Variants in HEYL observed in about 807,000 individuals in gnomAD.
HEYL encodes the protein hes related family bHLH transcription factor with YRPW motif like.
In HEYL, 12 loss-of-function variants were observed where a neutral mutation model predicts 18.6. The observed-to-expected ratio is 0.65, with a 90% CI of 0.41 to 1.05. HEYL has a LOEUF of 1.05. HEYL is among the 50% of genes least tolerant of loss of function. The pLI, the probability that HEYL is intolerant of heterozygous loss-of-function variation, is 0.00. For synonymous variants in HEYL, 159 were observed against 179.6 expected (o/e 0.89, Z 0.91); for missense variants, 420 against 444.7 (o/e 0.94, Z 0.50).
chr1:39,633,008 T>C (rs1371547064), intron 1 of HEYL: 9 of 973,170 alleles, frequency 9.2e-6, no homozygotes, highest in African/African-American at 1.8e-5. Flanking sequence ...CTCCGGCTCC[T>C]GCAACCCGAT....
At chr1:39,638,038 G>C (rs866393832) in intron 1 of HEYL, among the ~76,000 whole-genome samples, 3 of 152,206 alleles carry the variant, frequency 2.0e-5, no homozygotes, top group Non-Finnish European at 4.4e-5. Context: ...CCACCACCAC[G>C]TGGTGCTGTG....
chr1:39,628,581 T>G (rs530561301), intron 4 of HEYL, among the ~76,000 whole-genome samples: 3 of 144,164 alleles, frequency 2.1e-5, no homozygotes, highest in African/African-American at 7.8e-5. Flanking sequence ...GCCTGGCCTT[T>G]GCTGTTCTTT....
chr1:39,639,536 C>T lies in HEYL; in HGVS notation c.80+10G>A, dbSNP rs764878738. 2 of 1,576,908 alleles carry T rather than the reference C, an allele frequency of 1.3e-6. No homozygotes were observed. The highest frequency in any genetic ancestry group is 1.4e-5 in the African/African-American group (1 of 71,118). On this transcript the variant is annotated intron_variant, in intron 1 of 4. Coordinates refer to ENST00000372852, the MANE Select transcript of HEYL (RefSeq NM_014571.4). The stretch of plus-strand genomic sequence containing the variant: ...CTCCGCCTGCTCGGTCCCCGCATCC[C>T]GGCCCTTACCTCAGCTGGCCCTCTT...
At position 39,639,534 on chromosome 1, in the gene HEYL, C is replaced by T. The variant is rs1054491066; in HGVS notation, c.80+12G>A. On this transcript the variant is annotated intron_variant, in intron 1 of 4. Coordinates refer to ENST00000372852, the MANE Select transcript of HEYL (RefSeq NM_014571.4). Reference sequence around the variant, plus strand: ...CCCTCCGCCTGCTCGGTCCCCGCATCCCGGCCCTTACCTCAGCTGGCCCTC... The same window carrying T: ...CCCTCCGCCTGCTCGGTCCCCGCATTCCGGCCCTTACCTCAGCTGGCCCTC... The T allele has an allele frequency of 1.3e-6, 2 of 1,576,622 alleles. No individual in the cohort carries two copies. The highest frequency in any genetic ancestry group is 2.5e-5 in the East Asian group (1 of 40,734).
At chr1:39,628,076 CACA>C (rs1198932862) in intron 4 of HEYL, among the ~76,000 whole-genome samples, 1 of 152,176 alleles carries the variant, frequency 6.6e-6, no homozygotes, top group Non-Finnish European at 1.5e-5. Flanking sequence ...TGGGCAAAGA[CACA>C]ACAACCCCAG....
chr1:39,629,556 A>G (rs1646320683), intron 4 of HEYL, among the ~76,000 whole-genome samples: 1 of 152,204 alleles, frequency 6.6e-6, no homozygotes, highest in Non-Finnish European at 1.5e-5. Context: ...TGTAGCAGTA[A>G]GTTAGGTCTC....
At chr1:39,629,866 C>G (rs1646322705) in intron 4 of HEYL, among the ~76,000 whole-genome samples, 1 of 152,202 alleles carries the variant, frequency 6.6e-6, no homozygotes, top group African/African-American at 2.4e-5. Context: ...AGGCTCCTCC[C>G]TGGGTTAAGG....
intron 1 of HEYL, among the ~76,000 whole-genome samples, chr1:39,638,286 A>G (rs1646370369): frequency 6.6e-6 from 1 of 152,194 alleles, no homozygotes. Context: ...AAATGTCCTC[A>G]AAAACATCCC....
At chr1:39,632,299 G>A (rs181043068) in intron 2 of HEYL, among the ~76,000 whole-genome samples, 1 of 152,368 alleles carries the variant, frequency 6.6e-6, no homozygotes, top group East Asian at 1.9e-4. Context: ...CACTGAGGGG[G>A]ATGAAAGTTC....
chr1:39,628,138 A>G (rs936896149), intron 4 of HEYL, among the ~76,000 whole-genome samples: 1 of 152,198 alleles, frequency 6.6e-6, no homozygotes, highest in Non-Finnish European at 1.5e-5. Context: ...TCCTTGGTTC[A>G]TGGCCCCCAC....
In HEYL at chr1:39,631,511, A is replaced by C; in HGVS notation, c.216T>G (p.Thr72=). ...TGTCACATACCTGTTTCTCAAAGGC[A>C]GTGGGGACCAAGCGTCGCAATTCAG... The part of the protein sequence containing the change: ...SLSELRRLVP[T]AFEKQGSSKL... Residue 72 remains threonine, a synonymous_variant, in exon 3 of 5, where the codon ACT becomes ACG. Coordinates refer to ENST00000372852, the MANE Select transcript of HEYL (RefSeq NM_014571.4). 1 of 1,614,178 alleles carries C rather than the reference A, an allele frequency of 6.2e-7. No homozygotes were observed. Among genetic ancestry groups the C allele is most frequent in the South Asian group, 1.1e-5 (1 of 91,084 alleles).
Position 39,624,516 on chromosome 1 carries a change from A to AGAGGAG in HEYL, c.*1985_*1990dup, listed in dbSNP as rs879122375. 1 of 153,044 alleles carries AGAGGAG rather than the reference A, an allele frequency of 6.5e-6. No individual in the cohort carries two copies. The highest frequency in any genetic ancestry group is 2.1e-4 in the South Asian group (1 of 4,822). 9.5% of individuals were successfully genotyped at this position (153,044 alleles called of 1,614,324 possible). ...GACCTGGTATCCCAGGAGCAGCAGGAGAGGAGGAGGAGGAGGAGGAGTTGT... is the reference window on the plus strand; with the variant it reads ...GACCTGGTATCCCAGGAGCAGCAGGAGAGGAGGAGGAGGAGGAGGAGGAGGAGTTGT... On this transcript the variant is annotated 3_prime_UTR_variant, in exon 5 of 5. Transcript: ENST00000372852.
chr1:39,639,627 G>A lies in HEYL; in HGVS notation c.-2C>T, dbSNP rs1375841826. The A allele has an allele frequency of 2.2e-5, 34 of 1,552,728 alleles. No homozygotes were observed. The highest frequency in any genetic ancestry group is 5.5e-5 in the Admixed American group (3 of 54,490). ...GCTCGGCTCCTTGGGTCGCTTCATG[G>A]CGAACGCAGGCTGCCTGGTCTCAGC... On this transcript the variant is annotated 5_prime_UTR_variant, in exon 1 of 5. Transcript: ENST00000372852.
chr1:39,630,112 G>A, intron 4 of HEYL, 115 bp downstream of exon 4: 2 of 821,676 alleles, frequency 2.4e-6, no homozygotes, highest in Non-Finnish European at 4.2e-6. Context: ...TCCCTCCATT[G>A]ACTGAGCTCC....
chr1:39,624,798 CT>C lies in HEYL; in HGVS notation c.*1708del, dbSNP rs1328346859. 2.6e-5 allele frequency: 4 copies of C among 152,224 alleles called. No individual in the cohort carries two copies. Among genetic ancestry groups the C allele is most frequent in the South Asian group, 4.1e-4 (2 of 4,834 alleles). The allele number at this position is 152,224 out of a possible 1,614,324, so 9.4% of individuals were successfully genotyped here. A position where few individuals can be genotyped will look rare whatever the true frequency, so the allele number is the denominator to read the frequency against. ...AGCAGTCTGATGGAATTAGCTCACA[CT>C]AAAAAATGAAAGAGGTGCTTTCCTC... On this transcript the variant is annotated 3_prime_UTR_variant, in exon 5 of 5. Transcript: ENST00000372852.
At position 39,639,608 on chromosome 1, in the gene HEYL, C is replaced by T. The variant is rs746826610; in HGVS notation, c.18G>A (p.Glu6=). The T allele has an allele frequency of 6.4e-7, 1 of 1,570,626 alleles. No individual in the cohort carries two copies. Among genetic ancestry groups the T allele is most frequent in the Non-Finnish European group, 8.6e-7 (1 of 1,164,098 alleles). Reference sequence around the variant, plus strand: ...CGGACTCCCCGTCGGAGCCGCTCGGCTCCTTGGGTCGCTTCATGGCGAACG... The same window carrying T: ...CGGACTCCCCGTCGGAGCCGCTCGGTTCCTTGGGTCGCTTCATGGCGAACG... MKRPK[E]PSGSDGESDG... The change falls in exon 1 of 5, where the codon GAG becomes GAA. Residue 6 remains glutamate (E), a synonymous_variant. Transcript: ENST00000372852.
At position 39,626,536 on chromosome 1, in the gene HEYL, A is replaced by C. The variant is rs764705377; in HGVS notation, c.958T>G (p.Ser320Ala). ...AGAMLYHSWVSEITEIGAF is the reference protein window; with the variant it reads ...AGAMLYHSWVAEITEIGAF ...AAAGCCCCGATTTCAGTGATTTCAG[A>C]GACCCAGGAGTGGTAGAGCATGGCT... is the stretch of plus-strand genomic sequence containing the variant. Residue 320 changes from serine to alanine, a missense_variant, in exon 5 of 5, where the codon TCT becomes GCT. By Grantham distance (99) the Ser-to-Ala change is moderately conservative. Transcript: ENST00000372852. The C allele has an allele frequency of 6.5e-6, 10 of 1,540,810 alleles. No individual in the cohort carries two copies. The South Asian group carries it at 1.2e-4, about 19-fold the overall frequency.
Position 39,632,652 on chromosome 1 carries a change from T to A in HEYL, c.144A>T (p.Arg48Ser). 1 of 1,613,642 alleles carries A rather than the reference T, an allele frequency of 6.2e-7. No homozygotes were observed. Among genetic ancestry groups the A allele is most frequent in the Non-Finnish European group, 8.5e-7 (1 of 1,179,710 alleles). Residue 48 changes from arginine to serine, a missense_variant, in exon 2 of 5, where the codon AGA (arginine) becomes AGT (serine). Physicochemically the swap from Arg to Ser is moderately radical, Grantham distance 110. Transcript: ENST00000372852. ...SSQMQARKKH[R>S]GIIEKRRRDR... ...AGAGGCTGAGACGGACACTCACCCCTCTGTGTTTCTTCCTGGCTTGCATCT... is the reference window on the plus strand; with the variant it reads ...AGAGGCTGAGACGGACACTCACCCCACTGTGTTTCTTCCTGGCTTGCATCT...
intron 1 of HEYL, among the ~76,000 whole-genome samples, chr1:39,637,716 A>G (rs1227204291): frequency 6.6e-6 from 1 of 152,236 alleles, no homozygotes; most frequent in Non-Finnish European, 1.5e-5. Context: ...GAAATGCTGT[A>G]TGTATAGGAA....
Sources: allele counts gnomAD v4.1 joint callset (sites outside exome capture counted in the v4.1 genomes callset), GRCh38; gene constraint gnomAD v4.1.1; transcripts MANE v1.5; gene names NCBI Gene and HGNC (gene_info 2026-07-23, HGNC 2026-07-21).